The following MNAT1 variants were observed in gnomAD, a reference collection of about 807,000 sequenced individuals.
The protein encoded by MNAT1 is MNAT1 component of CDK activating kinase, also known as CDK-activating kinase assembly factor MAT1.
Under a neutral mutation model 42.0 loss-of-function variants are expected in MNAT1, and 43 were observed. The ratio of observed to expected loss-of-function variants is 1.02; its 90% CI spans 0.80 to 1.32. MNAT1 has a LOEUF of 1.32. Among genes scored for constraint, MNAT1 ranks in the 40% most tolerant of loss-of-function variants. The pLI, the probability that MNAT1 is intolerant of heterozygous loss-of-function variation, is 0.00. For missense variants in MNAT1, 306 were observed against 350.4 expected, an observed-to-expected ratio of 0.87 and a Z score of 1.01; for synonymous variants, 118 against 120.0, an observed-to-expected ratio of 0.98 and a Z score of 0.11.
At chr14:60,755,732 C>T (rs1363760724) in intron 1 of MNAT1, among the ~76,000 whole-genome samples, 2 of 152,200 alleles carry the variant, frequency 1.3e-5, no homozygotes, top group Non-Finnish European at 2.9e-5. Context: ...TATTCCTCAC[C>T]TGAACAGCAG....
chr14:60,922,775 C>CA (rs1475683946), intron 7 of MNAT1, among the ~76,000 whole-genome samples: 2 of 152,104 alleles, frequency 1.3e-5, no homozygotes, highest in African/African-American at 4.8e-5. Context: ...GCCAAGGCCA[C>CA]AAGTTCAACG....
At chr14:60,962,703 T>G (rs2036616737) in intron 7 of MNAT1, among the ~76,000 whole-genome samples, 1 of 152,212 alleles carries the variant, frequency 6.6e-6, no homozygotes, top group Non-Finnish European at 1.5e-5. Flanking sequence ...TATATTCAGT[T>G]ATTAAATATG....
chr14:60,855,031 A>G (rs2033920728), intron 6 of MNAT1, among the ~76,000 whole-genome samples: 1 of 152,176 alleles, frequency 6.6e-6, no homozygotes, highest in Non-Finnish European at 1.5e-5. Flanking sequence ...AGAGGAATGT[A>G]GAGAAGCAGT....
chr14:60,772,253 C>G (rs1197298228), intron 1 of MNAT1, among the ~76,000 whole-genome samples: 1 of 152,030 alleles, frequency 6.6e-6, no homozygotes, highest in African/African-American at 2.4e-5. Flanking sequence ...GGAGTGAGAC[C>G]CCCACATCTC....
At chr14:60,891,170 C>T (rs1468741995) in intron 7 of MNAT1, among the ~76,000 whole-genome samples, 2 of 152,062 alleles carry the variant, frequency 1.3e-5, no homozygotes, top group Non-Finnish European at 2.9e-5. Context: ...AGTCTTCTCT[C>T]CTTTTTCCTT....
chr14:60,830,708 TA>T (rs2033188331), intron 6 of MNAT1, among the ~76,000 whole-genome samples: 1 of 152,074 alleles, frequency 6.6e-6, no homozygotes, highest in East Asian at 1.9e-4. Flanking sequence ...TAGGAAATAA[TA>T]TTAGGTTTTT....
intron 1 of MNAT1, among the ~76,000 whole-genome samples, chr14:60,772,595 CA>C (rs369654270): frequency 2.6e-3 from 282 of 108,330 alleles, no homozygotes; most frequent in Middle Eastern, 4.9e-3. Flanking sequence ...CTCCCCATTT[CA>C]AAAAAAAAAA....
At chr14:60,858,787 G>A (rs1334083548) in intron 6 of MNAT1, among the ~76,000 whole-genome samples, 1 of 152,138 alleles carries the variant, frequency 6.6e-6, no homozygotes, top group African/African-American at 2.4e-5. Context: ...GATGCAATTT[G>A]CTGAAGGTTC....
intron 7 of MNAT1, among the ~76,000 whole-genome samples, chr14:60,904,994 GGAC>G: frequency 8.4e-6 from 1 of 118,654 alleles, no homozygotes; most frequent in African/African-American, 3.1e-5. Flanking sequence ...TTTTTTTTTT[GGAC>G]GGAGTCTCGC....
intron 6 of MNAT1, among the ~76,000 whole-genome samples, chr14:60,824,319 C>G (rs1051599183): frequency 2.0e-5 from 3 of 152,026 alleles, no homozygotes; most frequent in Non-Finnish European, 4.4e-5. Context: ...TTAAAATTGC[C>G]TACCTTGTTT....
intron 7 of MNAT1, among the ~76,000 whole-genome samples, chr14:60,890,333 G>T (rs2034806735): frequency 6.6e-6 from 1 of 152,130 alleles, no homozygotes; most frequent in African/African-American, 2.4e-5. Flanking sequence ...TTGGTATGTT[G>T]TTGATTGCAT....
intron 3 of MNAT1, chr14:60,799,112 T>G (rs1366075043): frequency 5.8e-6 from 2 of 347,308 alleles, no homozygotes; most frequent in African/African-American, 4.5e-5. Flanking sequence ...ACCTGAAACT[T>G]TTCTCATATG....
intron 7 of MNAT1, among the ~76,000 whole-genome samples, chr14:60,885,807 TATTTGGTGTCTTATCCAGAA>T (rs1482354963): frequency 2.6e-5 from 4 of 152,028 alleles, no homozygotes; most frequent in African/African-American, 9.7e-5. Flanking sequence ...TTTTGTTGCG[TATTTGGTGTCTTATCCAGAA>T]AACCATTGCC....
intron 7 of MNAT1, among the ~76,000 whole-genome samples, chr14:60,934,520 G>A (rs1181237524): frequency 6.6e-6 from 1 of 152,138 alleles, no homozygotes; most frequent in Non-Finnish European, 1.5e-5. Flanking sequence ...TCCTGAGAGT[G>A]AATAAGTCTC....
chr14:60,763,752 G>A (rs1181990637), intron 1 of MNAT1, among the ~76,000 whole-genome samples: 1 of 152,192 alleles, frequency 6.6e-6, no homozygotes, highest in Non-Finnish European at 1.5e-5. Context: ...CCAGGAAGCA[G>A]TGTTAGTCTA....
At chr14:60,821,955 A>T (rs1272861963) in intron 6 of MNAT1, among the ~76,000 whole-genome samples, 4 of 152,226 alleles carry the variant, frequency 2.6e-5, no homozygotes. Context: ...GTACAGCCAA[A>T]ATAAAAAAAT....
At chr14:60,775,604 A>G (rs771554341) in intron 1 of MNAT1, among the ~76,000 whole-genome samples, 1 of 152,204 alleles carries the variant, frequency 6.6e-6, no homozygotes, top group Non-Finnish European at 1.5e-5. Context: ...AAAATACTTG[A>G]GTAGGGATTA....
chr14:60,768,527 AT>A (rs1016143959), intron 1 of MNAT1, among the ~76,000 whole-genome samples: 48 of 152,200 alleles, frequency 3.2e-4, no homozygotes, highest in African/African-American at 1.2e-3. Flanking sequence ...TAATATCAAA[AT>A]CTTTCAAATG....
chr14:60,940,874 A>C (rs1434784365), intron 7 of MNAT1, among the ~76,000 whole-genome samples: 4 of 152,100 alleles, frequency 2.6e-5, no homozygotes, highest in African/African-American at 9.7e-5. Context: ...AAATTAGAAT[A>C]GCCTGAGAAG....
Sources: gnomAD v4.1 joint callset for allele counts (sites outside exome capture counted in the v4.1 genomes callset) on GRCh38, gnomAD v4.1.1 for gene constraint, MANE v1.5 for transcripts, NCBI Gene and HGNC (gene_info 2026-07-23, HGNC 2026-07-21) for gene names.